Variants in OTUD7A observed in about 807,000 individuals in gnomAD.
The protein encoded by OTUD7A is OTU deubiquitinase 7A.
A neutral mutation model predicts 65.7 loss-of-function variants in OTUD7A; 12 were observed. The observed-to-expected ratio is 0.18, with a 90% CI of 0.12 to 0.30. OTUD7A has a LOEUF of 0.30. Ranked by LOEUF, OTUD7A falls within the 10% of genes least tolerant of loss-of-function variation. OTUD7A has a pLI of 1.00. For synonymous variants in OTUD7A, 641 were observed against 586.3 expected, an observed-to-expected ratio of 1.09 and a Z score of -1.35; for missense variants, 1,148 against 1,304.8, an observed-to-expected ratio of 0.88 and a Z score of 1.85.
intron 1 of OTUD7A, among the ~76,000 whole-genome samples, chr15:31,851,976 A>C (rs1897438218): frequency 6.6e-6 from 1 of 152,204 alleles, no homozygotes. Flanking sequence ...CTCCTGCCTC[A>C]GCCTCCCTAG....
chr15:31,582,231 T>C (rs1012214987), intron 3 of OTUD7A, among the ~76,000 whole-genome samples: 2 of 152,212 alleles, frequency 1.3e-5, no homozygotes, highest in Admixed American at 1.3e-4. Context: ...CAGCCTGAAC[T>C]TTATGGTCCA....
At chr15:31,791,090 G>A (rs541587245) in intron 1 of OTUD7A, among the ~76,000 whole-genome samples, 19 of 152,198 alleles carry the variant, frequency 1.2e-4, no homozygotes, top group African/African-American at 4.1e-4. Flanking sequence ...GCAGTGGCTC[G>A]ATCTCGGCTC....
Position 31,746,909 on chromosome 15 carries a change from G to C in OTUD7A, c.-99-89832C>G, listed in dbSNP as rs540261598. Among the ~76,000 whole-genome samples the C allele has an allele frequency of 7.2e-5, 11 of 152,314 alleles. No homozygotes were observed. In the South Asian group the frequency reaches 2.3e-3, roughly 32 times the overall value. On this transcript the variant is annotated intron_variant, in intron 1 of 12. Transcript: ENST00000307050. ...GGCACAGTGAAGCTTTCTGGGGTGA[G>C]AGAAAATTTCTGTATCTTGGTAGGG...
At chr15:31,778,884 T>C (rs2140923360) in intron 1 of OTUD7A, among the ~76,000 whole-genome samples, 1 of 152,214 alleles carries the variant, frequency 6.6e-6, no homozygotes, top group South Asian at 2.1e-4. Flanking sequence ...TTAAACATGA[T>C]TAGTGGAATG....
At chr15:31,712,039 C>T (rs1893460076) in intron 1 of OTUD7A, among the ~76,000 whole-genome samples, 2 of 151,572 alleles carry the variant, frequency 1.3e-5, no homozygotes, top group South Asian at 4.2e-4. Flanking sequence ...GGCTTCCCCT[C>T]ACACAAGAGT....
intron 1 of OTUD7A, among the ~76,000 whole-genome samples, chr15:31,685,711 T>C (rs373511012): frequency 5.9e-5 from 9 of 152,248 alleles, no homozygotes; most frequent in African/African-American, 2.2e-4. Context: ...TTTGTCTTTT[T>C]GCTGGTTCCC....
intron 1 of OTUD7A, among the ~76,000 whole-genome samples, chr15:31,713,029 A>G (rs1455187688): frequency 6.6e-6 from 1 of 152,232 alleles, no homozygotes; most frequent in Non-Finnish European, 1.5e-5. Flanking sequence ...TCAAACTTCA[A>G]TACTGACATT....
At chr15:31,763,887 G>C (rs933664656) in intron 1 of OTUD7A, among the ~76,000 whole-genome samples, 1 of 152,076 alleles carries the variant, frequency 6.6e-6, no homozygotes, top group African/African-American at 2.4e-5. Context: ...CATTTTTAAA[G>C]GAATGAAAGA....
At chr15:31,719,005 G>A (rs2654036) in intron 1 of OTUD7A, among the ~76,000 whole-genome samples, 2 of 151,854 alleles carry the variant, frequency 1.3e-5, no homozygotes. Flanking sequence ...TGGGATCTAT[G>A]TCTTTGGTCA....
chr15:31,681,652 A>G (rs1892721285), intron 1 of OTUD7A, among the ~76,000 whole-genome samples: 1 of 151,854 alleles, frequency 6.6e-6, no homozygotes, highest in African/African-American at 2.4e-5. Context: ...TCACTGTCTA[A>G]TAATGACTGT....
Position 31,482,467 on chromosome 15 carries a change from C to G in OTUD7A, c.*827G>C, listed in dbSNP as rs898683704. 6.6e-6 allele frequency: 1 copy of G among 152,302 alleles called. No individual in the cohort carries two copies. Among genetic ancestry groups the G allele is most frequent in the Admixed American group, 6.5e-5 (1 of 15,294 alleles). The allele number at this position is 152,302 out of a possible 1,614,324, so 9.4% of individuals were successfully genotyped here. A position where few individuals can be genotyped will look rare whatever the true frequency, so the allele number is the denominator to read the frequency against. ...GCCTTCAAAGGAGAAATGTGAGCAG[C>G]CTGTCCTATCTGCTCCTCTATGAGC... On this transcript the variant is annotated 3_prime_UTR_variant, in exon 13 of 13. Transcript: ENST00000307050.
intron 1 of OTUD7A, among the ~76,000 whole-genome samples, chr15:31,662,908 T>A (rs2141286499): frequency 6.6e-6 from 1 of 152,354 alleles, no homozygotes; most frequent in South Asian, 2.1e-4. Context: ...TCTTTCAATT[T>A]ATCCTGCTCA....
intron 1 of OTUD7A, among the ~76,000 whole-genome samples, chr15:31,786,027 T>C (rs1156453029): frequency 6.6e-6 from 1 of 151,994 alleles, no homozygotes; most frequent in African/African-American, 2.4e-5. Flanking sequence ...TGGGTTATCA[T>C]GGGAGGGGAA....
intron 1 of OTUD7A, among the ~76,000 whole-genome samples, chr15:31,862,998 T>C (rs1392167503): frequency 6.6e-6 from 1 of 152,138 alleles, no homozygotes; most frequent in Non-Finnish European, 1.5e-5. Flanking sequence ...TGGGAGAAAT[T>C]GGCCAAAATA....
intron 1 of OTUD7A, among the ~76,000 whole-genome samples, chr15:31,802,860 GGC>G (rs1299383789): frequency 6.6e-6 from 1 of 152,084 alleles, no homozygotes; most frequent in Non-Finnish European, 1.5e-5. Flanking sequence ...AAATTCTTCA[GGC>G]CTGAATTGAA....
In OTUD7A at chr15:31,601,582, A is replaced by G. The variant is rs553318775; in HGVS notation, c.152-31385T>C. On this transcript the variant is annotated intron_variant, in intron 3 of 12. Coordinates refer to ENST00000307050, the MANE Select transcript of OTUD7A (RefSeq NM_001382637.1). ...GTAAGAGCAAACAAATTCAAAAGCT[A>G]GCAGAAGACAAGAAAAAACTAAGAT... Among the ~76,000 whole-genome samples, 116 of 152,348 alleles carry G rather than the reference A, an allele frequency of 7.6e-4. 3 individuals carry two copies. The highest frequency in any genetic ancestry group is 2.6e-3 in the African/African-American group (110 of 41,582).
chr15:31,669,600 T>G (rs1046107164), intron 1 of OTUD7A, among the ~76,000 whole-genome samples: 4 of 152,212 alleles, frequency 2.6e-5, no homozygotes, highest in East Asian at 1.9e-4. Context: ...AAGGGCTTGG[T>G]TCTACCCCCG....
In OTUD7A at chr15:31,849,206, T is replaced by G. The variant is rs147635801; in HGVS notation, c.-100+21301A>C. On this transcript the variant is annotated intron_variant, in intron 1 of 12. Coordinates refer to ENST00000307050, the MANE Select transcript of OTUD7A (RefSeq NM_001382637.1). The stretch of plus-strand genomic sequence containing the variant: ...CATGGTACTGGTACCAAAACAGAGA[T>G]ATAGACCAATGGAACAGAACAGAGC... 4.5e-3 allele frequency among the ~76,000 whole-genome samples: 681 copies of G among 152,180 alleles called. 7 individuals are homozygous for G. The highest frequency in any genetic ancestry group is 0.016 in the African/African-American group (651 of 41,522).
intron 1 of OTUD7A, among the ~76,000 whole-genome samples, chr15:31,658,973 A>G (rs940258173): frequency 6.6e-6 from 1 of 151,672 alleles, no homozygotes; most frequent in Non-Finnish European, 1.5e-5. Flanking sequence ...TGGAGGTTAC[A>G]GTGAGCTGAG....
Sources: allele counts gnomAD v4.1 joint callset (sites outside exome capture counted in the v4.1 genomes callset), GRCh38; gene constraint gnomAD v4.1.1; transcripts MANE v1.5; gene names NCBI Gene and HGNC (gene_info 2026-07-23, HGNC 2026-07-21).